The following STRA6 variants were observed in gnomAD, a reference collection of about 807,000 sequenced individuals.
STRA6 encodes the protein signaling receptor and transporter of retinol STRA6, also known as receptor for retinol uptake STRA6.
STRA6 carries 48 observed loss-of-function variants against 83.6 expected under a neutral mutation model. The observed-to-expected ratio is 0.57, with a 90% CI of 0.46 to 0.73. STRA6 has a LOEUF of 0.73. Among genes scored for constraint, STRA6 ranks in the 30% least tolerant of loss-of-function variants. The pLI is 0.00. For synonymous variants in STRA6, 353 were observed against 362.3 expected (o/e 0.97, Z 0.29); for missense variants, 760 against 838.8 (o/e 0.91, Z 1.16).
Position 74,180,008 on chromosome 15 carries a change from G to T in STRA6, c.*72C>A, listed in dbSNP as rs1029459207. Reference sequence around the variant, plus strand: ...CTGGTGTGATGCTGGGAGGAGAGCCGGGGAGGGAGGAGGATGGTAGGCAGG... The same window carrying T: ...CTGGTGTGATGCTGGGAGGAGAGCCTGGGAGGGAGGAGGATGGTAGGCAGG... On this transcript the variant is annotated 3_prime_UTR_variant, in exon 19 of 19. Coordinates refer to ENST00000395105, the MANE Select transcript of STRA6 (RefSeq NM_022369.4). 1.3e-6 allele frequency: 2 copies of T among 1,572,626 alleles called. No homozygotes were observed. The highest frequency in any genetic ancestry group is 2.7e-5 in the African/African-American group (2 of 74,248).
chr15:74,201,689 T>C (rs80107927), intron 2 of STRA6, among the ~76,000 whole-genome samples: 3,610 of 152,198 alleles, frequency 0.024, 345 homozygotes, highest in Admixed American at 0.18. Context: ...CTTTCTCCCT[T>C]TGGTTCTCTG....
chr15:74,194,077 GC>G (rs1333782616), intron 7 of STRA6, among the ~76,000 whole-genome samples, 155 bp from the exon 8 acceptor site: 4 of 152,114 alleles, frequency 2.6e-5, no homozygotes, highest in Non-Finnish European at 5.9e-5. Flanking sequence ...CTGCCACCCA[GC>G]GCAAACCTGC....
chr15:74,191,342 TGCTGCCCAGTGCCA>T, intron 9 of STRA6, 68 bp downstream of exon 9: 1 of 1,606,862 alleles, frequency 6.2e-7, no homozygotes, highest in Non-Finnish European at 8.5e-7. Flanking sequence ...GCCCCTGCCA[TGCTGCCCAGTGCCA>T]GCTTCCCAAG....
rs771794146 is a variant in STRA6 at position 74,193,873 on chromosome 15, A to AG, written c.646dup (p.Leu216ProfsTer19). On this transcript the variant is annotated frameshift_variant, in exon 8 of 19. Coordinates refer to ENST00000395105, the MANE Select transcript of STRA6 (RefSeq NM_022369.4). LOFTEE classifies it high-confidence loss of function. ...AGGGTACCAAAGGCTCAGGAATCCG[A>AG]GGCCCAGCAGGAGAGGCAGGGAGGC... is the stretch of plus-strand genomic sequence containing the variant. 6.2e-7 allele frequency: 1 copy of AG among 1,613,948 alleles called. No homozygotes were observed. Among genetic ancestry groups the AG allele is most frequent in the Non-Finnish European group, 8.5e-7 (1 of 1,179,854 alleles).
At chr15:74,200,788 T>A (rs1249227051) in intron 2 of STRA6, among the ~76,000 whole-genome samples, 1 of 152,230 alleles carries the variant, frequency 6.6e-6, no homozygotes, top group East Asian at 1.9e-4. Context: ...CTTCTAGATG[T>A]CACCCACATG....
At chr15:74,183,716 C>T (rs2073103339) in intron 14 of STRA6, 140 bp downstream of exon 14, 1 of 1,588,978 alleles carries the variant, frequency 6.3e-7, no homozygotes, top group East Asian at 2.2e-5. Flanking sequence ...AGGGGGGTCC[C>T]TCCTTCTTGC....
Position 74,180,186 on chromosome 15 carries a change from CTGGCCCCGGGCCTAGCTCCCT to C in STRA6, c.1877_1897del (p.Lys626_Ala632del). The C allele has an allele frequency of 6.2e-7, 1 of 1,614,050 alleles. No homozygotes were observed. The highest frequency in any genetic ancestry group is 8.5e-7 in the Non-Finnish European group (1 of 1,180,004). On this transcript the variant is annotated inframe_deletion, in exon 19 of 19. Coordinates refer to ENST00000395105, the MANE Select transcript of STRA6 (RefSeq NM_022369.4). ...CAGACCCCAGCGAGCCCTGCCGCGG[CTGGCCCCGGGCCTAGCTCCCT>C]TGGCCATGGAGTCCTTTGTCTGTAG...
intron 1 of STRA6, chr15:74,208,149 C>A: frequency 1.2e-6 from 1 of 837,680 alleles, no homozygotes; most frequent in Non-Finnish European, 1.5e-6. Flanking sequence ...ATGTTCTTTC[C>A]CTCCCAGAGG....
chr15:74,183,695 G>A, intron 14 of STRA6, 161 bp downstream of exon 14: 1 of 1,570,914 alleles, frequency 6.4e-7, no homozygotes, highest in Non-Finnish European at 8.6e-7. Flanking sequence ...CTTCTTAAGG[G>A]CAGGGAAGGC....
upstream of STRA6, chr15:74,209,689 C>G: frequency 1.9e-6 from 1 of 513,348 alleles, no homozygotes; most frequent in South Asian, 2.9e-5. Context: ...CGGCTGCATC[C>G]CCCCTCACCT....
chr15:74,197,998 T>C, intron 2 of STRA6, 180 bp from the exon 3 acceptor site: 1 of 680,606 alleles, frequency 1.5e-6, no homozygotes, highest in Non-Finnish European at 2.6e-6. Context: ...GGCCCTCGTG[T>C]CCCTGTGATG....
At chr15:74,197,453 G>A in intron 3 of STRA6, 30 bp from the exon 4 acceptor site, 2 of 1,533,288 alleles carry the variant, frequency 1.3e-6, no homozygotes, top group Non-Finnish European at 8.8e-7. Flanking sequence ...GAGGGCTTGG[G>A]GTGCCCAGGC....
At chr15:74,200,647 A>C (rs750873022) in intron 2 of STRA6, among the ~76,000 whole-genome samples, 3 of 152,136 alleles carry the variant, frequency 2.0e-5, no homozygotes, top group African/African-American at 4.8e-5. Flanking sequence ...CTGAGCTCCC[A>C]ATTTTCTGCT....
intron 11 of STRA6, among the ~76,000 whole-genome samples, chr15:74,190,412 TGG>T (rs2073471479): frequency 6.7e-6 from 1 of 149,848 alleles, no homozygotes; most frequent in Non-Finnish European, 1.5e-5. Flanking sequence ...TTGTTGTTGT[TGG>T]TTTTTTCGGG....
Position 74,193,932 on chromosome 15 carries a change from C to A in STRA6, c.598-10G>T. On this transcript the variant is annotated splice_polypyrimidine_tract_variant and intron_variant, in intron 7 of 18. Transcript: ENST00000395105. Reference sequence around the variant, plus strand: ...AGTAGTACTTGTAGATCTGGACAGACAAACACCCAGACAGACTACTTTCCA... The same window carrying A: ...AGTAGTACTTGTAGATCTGGACAGAAAAACACCCAGACAGACTACTTTCCA... 3 of 1,612,746 alleles carry A rather than the reference C, an allele frequency of 1.9e-6. No individual in the cohort carries two copies. Among genetic ancestry groups the A allele is most frequent in the Non-Finnish European group, 1.7e-6 (2 of 1,179,016 alleles).
intron 2 of STRA6, among the ~76,000 whole-genome samples, chr15:74,201,344 A>G (rs1218380839): frequency 6.6e-6 from 1 of 152,206 alleles, no homozygotes; most frequent in African/African-American, 2.4e-5. Flanking sequence ...ACCGTCAGAC[A>G]GAGCAGGGAG....
chr15:74,194,359 G>C (rs958758754), intron 7 of STRA6: 1 of 1,069,210 alleles, frequency 9.4e-7, no homozygotes, highest in Non-Finnish European at 1.1e-6. Flanking sequence ...CTTCCTGGGG[G>C]TGGGCTTTTT....
At chr15:74,209,358 C>T, upstream of STRA6, 1 of 1,534,868 alleles carries the variant, frequency 6.5e-7, no homozygotes, top group South Asian at 1.2e-5. Flanking sequence ...CCCCTACTTA[C>T]CTCCATTTGT....
intron 14 of STRA6, among the ~76,000 whole-genome samples, chr15:74,183,056 A>T (rs1179381287): frequency 6.6e-6 from 1 of 152,220 alleles, no homozygotes; most frequent in Non-Finnish European, 1.5e-5. Context: ...TTGGATGTGC[A>T]ACCCAGGCCA....
Sources: allele counts gnomAD v4.1 joint callset (sites outside exome capture counted in the v4.1 genomes callset), GRCh38; gene constraint gnomAD v4.1.1; transcripts MANE v1.5; gene names NCBI Gene and HGNC (gene_info 2026-07-23, HGNC 2026-07-21).